Variants in CCDC148 observed in about 807,000 individuals in gnomAD.
CCDC148 encodes coiled-coil domain-containing protein 148.
CCDC148 carries 89 observed loss-of-function variants against 85.7 expected under a neutral mutation model. That is an observed-to-expected ratio of 1.04 (90% CI 0.87 to 1.24). CCDC148 has a LOEUF of 1.24. CCDC148 is among the 50% of genes most tolerant of loss of function. The probability of loss-of-function intolerance (pLI) is 0.00; values close to 1 mark genes in which losing one functional copy is unlikely to be tolerated. For missense variants in CCDC148, 692 were observed against 671.7 expected, an observed-to-expected ratio of 1.03 and a Z score of -0.33; for synonymous variants, 230 against 213.9, an observed-to-expected ratio of 1.08 and a Z score of -0.66.
intron 1 of CCDC148, among the ~76,000 whole-genome samples, chr2:158,431,082 A>G (rs908050108): frequency 1.3e-5 from 2 of 152,058 alleles, no homozygotes; most frequent in Non-Finnish European, 2.9e-5. Flanking sequence ...CCTCAATGAT[A>G]TATCAGATAA....
chr2:158,231,008 A>T (rs1687829709), intron 10 of CCDC148, among the ~76,000 whole-genome samples: 1 of 152,214 alleles, frequency 6.6e-6, no homozygotes, highest in African/African-American at 2.4e-5. Flanking sequence ...TTGGGAGCTC[A>T]GTTTTGAACA....
intron 9 of CCDC148, among the ~76,000 whole-genome samples, chr2:158,267,583 G>A (rs1038530637): frequency 3.3e-5 from 5 of 152,090 alleles, no homozygotes; most frequent in African/African-American, 1.2e-4. Flanking sequence ...AATAGTATTA[G>A]AACTAAACAG....
At chr2:158,227,550 CA>C (rs1687613607) in intron 10 of CCDC148, among the ~76,000 whole-genome samples, 1 of 152,168 alleles carries the variant, frequency 6.6e-6, no homozygotes, top group African/African-American at 2.4e-5. Flanking sequence ...TACCTGACTT[CA>C]AACTATACTA....
At chr2:158,216,612 G>A (rs1471711358) in intron 11 of CCDC148, among the ~76,000 whole-genome samples, 1 of 151,686 alleles carries the variant, frequency 6.6e-6, no homozygotes, top group African/African-American at 2.4e-5. Context: ...TAGTTAGCTT[G>A]GGCCATCATG....
intron 1 of CCDC148, among the ~76,000 whole-genome samples, chr2:158,430,313 C>T (rs531699687): frequency 6.6e-6 from 1 of 152,262 alleles, no homozygotes; most frequent in Admixed American, 6.5e-5. Flanking sequence ...AAGCCTCAAC[C>T]TGATCCATGA....
chr2:158,443,943 G>A (rs1189135914), intron 1 of CCDC148, among the ~76,000 whole-genome samples: 1 of 152,186 alleles, frequency 6.6e-6, no homozygotes, highest in Non-Finnish European at 1.5e-5. Context: ...TCAATAGGTT[G>A]CAATTCAATT....
chr2:158,280,508 C>G lies in CCDC148; in HGVS notation c.1110+28925G>C, dbSNP rs1378203443. On this transcript the variant is annotated intron_variant, in intron 9 of 13. Coordinates refer to ENST00000283233, the MANE Select transcript of CCDC148 (RefSeq NM_138803.4). ...TCTGATAAAACAGACTTTAAACCAA[C>G]AAAGATCAAAAGAGACAAAGAAGGC... 3.9e-5 allele frequency among the ~76,000 whole-genome samples: 6 copies of G among 152,198 alleles called. No homozygotes were observed. In the East Asian group the frequency reaches 1.2e-3, roughly 29 times the overall value.
At chr2:158,248,468 G>T (rs1688659680) in intron 10 of CCDC148, among the ~76,000 whole-genome samples, 1 of 151,922 alleles carries the variant, frequency 6.6e-6, no homozygotes, top group Non-Finnish European at 1.5e-5. Context: ...GTATGCCTTG[G>T]TCCTACACAA....
intron 9 of CCDC148, among the ~76,000 whole-genome samples, chr2:158,269,270 C>T (rs115419608): frequency 6.6e-5 from 10 of 152,136 alleles, no homozygotes; most frequent in East Asian, 1.9e-4. Flanking sequence ...AGGTGTGAGA[C>T]GGTATCTCAT....
chr2:158,404,201 AG>A (rs1002231887), intron 1 of CCDC148, among the ~76,000 whole-genome samples: 2 of 152,160 alleles, frequency 1.3e-5, no homozygotes, highest in African/African-American at 4.8e-5. Context: ...CACCAAATCC[AG>A]GGCACTCCTG....
At chr2:158,439,551 AC>A (rs1253949275) in intron 1 of CCDC148, among the ~76,000 whole-genome samples, 8 of 152,154 alleles carry the variant, frequency 5.3e-5, no homozygotes, top group African/African-American at 1.7e-4. Context: ...GGTTCAGCAT[AC>A]CAACGTGGCA....
intron 11 of CCDC148, among the ~76,000 whole-genome samples, chr2:158,188,402 A>T (rs895727890): frequency 1.3e-5 from 2 of 151,998 alleles, no homozygotes; most frequent in Non-Finnish European, 1.5e-5. Flanking sequence ...ATCTAAAAAT[A>T]ATGACTTTGA....
At chr2:158,317,203 CA>C (rs923535383) in intron 7 of CCDC148, among the ~76,000 whole-genome samples, 7 of 151,224 alleles carry the variant, frequency 4.6e-5, no homozygotes, top group African/African-American at 1.2e-4. Flanking sequence ...TTGCAATTTA[CA>C]AAAAAAAATC....
chr2:158,283,146 T>C (rs908030772), intron 9 of CCDC148, among the ~76,000 whole-genome samples: 1 of 152,170 alleles, frequency 6.6e-6, no homozygotes, highest in Non-Finnish European at 1.5e-5. Context: ...GATTAAAGAC[T>C]TAAACGTTAG....
chr2:158,344,111 C>A (rs140247071), intron 3 of CCDC148, among the ~76,000 whole-genome samples: 29 of 152,102 alleles, frequency 1.9e-4, no homozygotes, highest in African/African-American at 6.7e-4. Flanking sequence ...GTGAACACCA[C>A]AATTAAAGCT....
intron 1 of CCDC148, among the ~76,000 whole-genome samples, chr2:158,387,816 G>A (rs970941231): frequency 2.0e-5 from 3 of 152,082 alleles, no homozygotes; most frequent in African/African-American, 7.2e-5. Context: ...CTTGTGCTCT[G>A]ACACCCATAT....
At chr2:158,295,492 T>A (rs7580187) in intron 9 of CCDC148, among the ~76,000 whole-genome samples, 3 of 147,732 alleles carry the variant, frequency 2.0e-5, no homozygotes, top group Non-Finnish European at 4.5e-5. Flanking sequence ...ACTGGCAAAC[T>A]GAATCCAGCA....
chr2:158,279,221 C>T (rs1690130111), intron 9 of CCDC148, among the ~76,000 whole-genome samples: 1 of 152,168 alleles, frequency 6.6e-6, no homozygotes, highest in Admixed American at 6.5e-5. Flanking sequence ...AAGCAGAGCA[C>T]CTCTCCTCCT....
At chr2:158,280,105 C>T (rs1457969989) in intron 9 of CCDC148, among the ~76,000 whole-genome samples, 1 of 151,956 alleles carries the variant, frequency 6.6e-6, no homozygotes, top group Non-Finnish European at 1.5e-5. Context: ...CAGGCCTGCC[C>T]TAAAAGAGCT....
Sources: gnomAD v4.1 joint callset for allele counts (sites outside exome capture counted in the v4.1 genomes callset) on GRCh38, gnomAD v4.1.1 for gene constraint, MANE v1.5 for transcripts, NCBI Gene and HGNC (gene_info 2026-07-23, HGNC 2026-07-21) for gene names.